DCC: variants seen among roughly 807,000 people sequenced by gnomAD.
The protein encoded by DCC is netrin receptor DCC.
A neutral mutation model predicts 172.5 loss-of-function variants in DCC; 58 were observed. The observed-to-expected ratio is 0.34, with a 90% CI of 0.27 to 0.42. DCC has a LOEUF of 0.42. Ranked by LOEUF, DCC falls within the 10% of genes least tolerant of loss-of-function variation. The pLI is 1.00. For synonymous variants in DCC, 709 were observed against 644.5 expected, an observed-to-expected ratio of 1.10 and a Z score of -1.52; for missense variants, 1,740 against 1,791.0, an observed-to-expected ratio of 0.97 and a Z score of 0.51.
rs534558458 is a variant in DCC, at chr18:53,385,009, G to A, written c.2360-1034G>A. Among the ~76,000 whole-genome samples, 4 of 140,710 alleles carry A rather than the reference G, an allele frequency of 2.8e-5. No individual in the cohort carries two copies. The East Asian group carries it at 8.7e-4, about 31-fold the overall frequency. The allele number at this position is 140,710 out of a possible 152,430, so 92.3% of individuals were successfully genotyped here. A position where few individuals can be genotyped will look rare whatever the true frequency, so the allele number is the denominator to read the frequency against. On this transcript the variant is annotated intron_variant, in intron 15 of 28. Coordinates refer to ENST00000442544, the MANE Select transcript of DCC (RefSeq NM_005215.4). ...ACTCGGGCACCCGCCACAGTGCCCGGCTAATTTTTTTCTTTTTTTTTTTTT... is the reference window on the plus strand; with the variant it reads ...ACTCGGGCACCCGCCACAGTGCCCGACTAATTTTTTTCTTTTTTTTTTTTT...
intron 1 of DCC, among the ~76,000 whole-genome samples, chr18:52,491,916 G>A (rs952252583): frequency 6.6e-6 from 1 of 151,860 alleles, no homozygotes; most frequent in Non-Finnish European, 1.5e-5. Context: ...GCAGAGGAGT[G>A]GTCTTCTAGG....
At chr18:52,853,546 T>C (rs974803036) in intron 2 of DCC, among the ~76,000 whole-genome samples, 5 of 152,190 alleles carry the variant, frequency 3.3e-5, no homozygotes, top group African/African-American at 9.7e-5. Context: ...ATTTAATCCA[T>C]GGTAGAGGTG....
At chr18:52,808,155 C>T (rs1324401357) in intron 2 of DCC, among the ~76,000 whole-genome samples, 1 of 151,696 alleles carries the variant, frequency 6.6e-6, no homozygotes, top group Non-Finnish European at 1.5e-5. Context: ...AGTAGAATCA[C>T]GTGCACACAT....
chr18:52,820,122 A>G (rs59731621), intron 2 of DCC, among the ~76,000 whole-genome samples: 1,617 of 152,256 alleles, frequency 0.011, 30 homozygotes, highest in African/African-American at 0.037. Flanking sequence ...CCCACTTGAC[A>G]TTCCATTGCT....
intron 1 of DCC, among the ~76,000 whole-genome samples, chr18:52,600,213 C>T (rs974450749): frequency 2.0e-5 from 3 of 152,116 alleles, no homozygotes; most frequent in Admixed American, 6.6e-5. Context: ...ATTTGCTTCC[C>T]CCACACCTAC....
intron 1 of DCC, among the ~76,000 whole-genome samples, chr18:52,622,407 G>A (rs1358194693): frequency 2.6e-5 from 4 of 152,134 alleles, no homozygotes; most frequent in East Asian, 3.9e-4. Context: ...ATTTTAGTTC[G>A]GTAGTCCGGA....
At chr18:53,425,659 G>T (rs942487464) in intron 21 of DCC, among the ~76,000 whole-genome samples, 1 of 151,842 alleles carries the variant, frequency 6.6e-6, no homozygotes, top group African/African-American at 2.4e-5. Context: ...ACTGCTCCTG[G>T]CCCCCTATTC....
At chr18:52,728,462 G>T (rs1475250682) in intron 1 of DCC, among the ~76,000 whole-genome samples, 1 of 152,122 alleles carries the variant, frequency 6.6e-6, no homozygotes, top group Non-Finnish European at 1.5e-5. Context: ...TCCCAAGATT[G>T]TTATACATGA....
intron 1 of DCC, among the ~76,000 whole-genome samples, chr18:52,418,399 T>A (rs966595175): frequency 6.6e-6 from 1 of 152,144 alleles, no homozygotes; most frequent in Non-Finnish European, 1.5e-5. Context: ...ATTATACTAG[T>A]GCAAGCAGTG....
chr18:52,829,028 A>G (rs2038564479), intron 2 of DCC, among the ~76,000 whole-genome samples: 3 of 152,230 alleles, frequency 2.0e-5, no homozygotes, highest in Admixed American at 6.5e-5. Context: ...TTAAAATACA[A>G]TTAGGTCAAA....
chr18:53,120,246 T>C (rs528811150), intron 7 of DCC, among the ~76,000 whole-genome samples: 1 of 151,956 alleles, frequency 6.6e-6, no homozygotes, highest in South Asian at 2.1e-4. Flanking sequence ...GTGGGGAAGA[T>C]ATTTGTATAA....
chr18:52,569,305 A>C (rs920062816), intron 1 of DCC, among the ~76,000 whole-genome samples: 1 of 152,208 alleles, frequency 6.6e-6, no homozygotes, highest in African/African-American at 2.4e-5. Flanking sequence ...AAATTATTCA[A>C]CTTGCATGCT....
Position 52,576,867 on chromosome 18 carries a change from T to C in DCC, c.92-175187T>C, listed in dbSNP as rs1323860277. Among the ~76,000 whole-genome samples, 2 of 152,038 alleles carry C rather than the reference T, an allele frequency of 1.3e-5. 1 individual carries two copies. Among genetic ancestry groups the C allele is most frequent in the Non-Finnish European group, 2.9e-5 (2 of 68,000 alleles). On this transcript the variant is annotated intron_variant, in intron 1 of 28. Transcript: ENST00000442544. ...AAAGAAAATAATGTAGTTTCATCTA[T>C]GTTTGTAATCATGCTTTATGCATCC...
intron 15 of DCC, among the ~76,000 whole-genome samples, chr18:53,380,485 G>A (rs1907637473): frequency 6.6e-6 from 1 of 152,044 alleles, no homozygotes; most frequent in African/African-American, 2.4e-5. Flanking sequence ...ATCAATTATT[G>A]GATCAAACTT....
At chr18:52,577,460 G>A (rs988966892) in intron 1 of DCC, among the ~76,000 whole-genome samples, 1 of 152,154 alleles carries the variant, frequency 6.6e-6, no homozygotes, top group Non-Finnish European at 1.5e-5. Flanking sequence ...GAGTTTCTGT[G>A]CTAACGTTTG....
At chr18:52,408,278 GT>G (rs1165762771) in intron 1 of DCC, among the ~76,000 whole-genome samples, 3 of 151,466 alleles carry the variant, frequency 2.0e-5, no homozygotes, top group Middle Eastern at 3.4e-3. Context: ...TTCAACACCA[GT>G]TTTTTATATA....
intron 1 of DCC, among the ~76,000 whole-genome samples, chr18:52,346,627 A>C (rs938222805): frequency 2.0e-5 from 3 of 152,198 alleles, no homozygotes; most frequent in African/African-American, 7.2e-5. Context: ...GGAATTTGCC[A>C]ATGGTAATAC....
intron 24 of DCC, among the ~76,000 whole-genome samples, chr18:53,466,928 T>C (rs910917038): frequency 2.0e-5 from 3 of 152,342 alleles, no homozygotes; most frequent in Admixed American, 6.5e-5. Flanking sequence ...CTATGTGGAC[T>C]TCTCCCAGTA....
chr18:53,039,947 A>G (rs2042146600), intron 5 of DCC, among the ~76,000 whole-genome samples: 1 of 151,956 alleles, frequency 6.6e-6, no homozygotes, highest in African/African-American at 2.4e-5. Context: ...AGTGCCCAAC[A>G]CAATGCCTAA....
Sources: allele counts gnomAD v4.1 joint callset (sites outside exome capture counted in the v4.1 genomes callset), GRCh38; gene constraint gnomAD v4.1.1; transcripts MANE v1.5; gene names NCBI Gene and HGNC (gene_info 2026-07-23, HGNC 2026-07-21).